The following ENTREP2 variants were observed in gnomAD, a reference collection of about 807,000 sequenced individuals.
ENTREP2 encodes the protein protein ENTREP2.
the ENTREP2 span, among the ~76,000 whole-genome samples, chr15:29,323,147 C>T: frequency 6.6e-6 from 1 of 152,142 alleles, no homozygotes; most frequent in African/African-American, 2.4e-5. Flanking sequence ...TCCCCAAAGT[C>T]CTTTTGCTAA....
At chr15:29,249,705 G>GTAT in the ENTREP2 span, among the ~76,000 whole-genome samples, 1 of 152,136 alleles carries the variant, frequency 6.6e-6, no homozygotes, top group African/African-American at 2.4e-5. Flanking sequence ...CTGAACAGGT[G>GTAT]TATTAGTCCA....
chr15:29,328,484 AAAC>A, the ENTREP2 span, among the ~76,000 whole-genome samples: 1 of 152,226 alleles, frequency 6.6e-6, no homozygotes, highest in Admixed American at 6.5e-5. Context: ...ATGTGACAAA[AAAC>A]AATCTACGAA....
the ENTREP2 span, among the ~76,000 whole-genome samples, chr15:29,649,742 A>AAAAAG: frequency 6.6e-6 from 1 of 150,898 alleles, no homozygotes; most frequent in African/African-American, 2.5e-5. Flanking sequence ...AAAAAAAAAA[A>AAAAAG]AAAGAAAGAA....
the ENTREP2 span, among the ~76,000 whole-genome samples, chr15:29,443,969 T>C: frequency 6.6e-6 from 1 of 151,930 alleles, no homozygotes; most frequent in East Asian, 1.9e-4. Context: ...CCAGGCGTGA[T>C]GGTGGGCGCC....
the ENTREP2 span, among the ~76,000 whole-genome samples, chr15:29,554,141 C>T: frequency 6.6e-6 from 1 of 151,846 alleles, no homozygotes; most frequent in African/African-American, 2.4e-5. Flanking sequence ...GTTGAAACCC[C>T]GTCTCTACTA....
the ENTREP2 span, among the ~76,000 whole-genome samples, chr15:29,474,316 G>T: frequency 6.6e-6 from 1 of 152,122 alleles, no homozygotes; most frequent in African/African-American, 2.4e-5. Context: ...TCTCAGAAAG[G>T]CTGCGCCCGG....
At chr15:29,308,893 G>A in the ENTREP2 span, among the ~76,000 whole-genome samples, 2 of 152,246 alleles carry the variant, frequency 1.3e-5, no homozygotes, top group Admixed American at 6.5e-5. Flanking sequence ...AACATTCTTC[G>A]ATGGGGAGGA....
the ENTREP2 span, among the ~76,000 whole-genome samples, chr15:29,576,495 T>G: frequency 6.6e-6 from 1 of 152,208 alleles, no homozygotes; most frequent in South Asian, 2.1e-4. Flanking sequence ...AGTTAAACAC[T>G]TTTGTACATC....
the ENTREP2 span, among the ~76,000 whole-genome samples, chr15:29,548,950 T>A: frequency 5.3e-5 from 8 of 152,200 alleles, no homozygotes; most frequent in African/African-American, 1.9e-4. Context: ...GTATGCAAAC[T>A]AATGGAAAGC....
the ENTREP2 span, among the ~76,000 whole-genome samples, chr15:29,426,335 T>C: frequency 6.6e-6 from 1 of 152,228 alleles, no homozygotes; most frequent in East Asian, 1.9e-4. Context: ...GCATTTGACT[T>C]TATGGATTAA....
chr15:29,532,136 T>C, the ENTREP2 span, among the ~76,000 whole-genome samples: 1 of 152,178 alleles, frequency 6.6e-6, no homozygotes, highest in Non-Finnish European at 1.5e-5. Context: ...GAACTGAAAT[T>C]TTGTATACCT....
At chr15:29,386,119 C>G in the ENTREP2 span, among the ~76,000 whole-genome samples, 1 of 152,204 alleles carries the variant, frequency 6.6e-6, no homozygotes, top group Admixed American at 6.5e-5. Flanking sequence ...CACCCATCCT[C>G]CAAGCCCATG....
At chr15:29,122,371 C>T in the ENTREP2 span, 2 of 151,656 alleles carry the variant, frequency 1.3e-5, no homozygotes, top group African/African-American at 4.8e-5. Context: ...TTATGATCCT[C>T]CTGCGCAGGT....
At chr15:29,302,462 G>T in the ENTREP2 span, among the ~76,000 whole-genome samples, 1 of 152,150 alleles carries the variant, frequency 6.6e-6, no homozygotes, top group Non-Finnish European at 1.5e-5. Context: ...TTTGCCGGCT[G>T]AAGCAAAATA....
the ENTREP2 span, among the ~76,000 whole-genome samples, chr15:29,662,211 CAAAAA>C: frequency 6.4e-4 from 30 of 46,942 alleles, no homozygotes; most frequent in African/African-American, 1.8e-3. Context: ...AACCCTGTCG[CAAAAA>C]AAAAAAAAAA....
the ENTREP2 span, among the ~76,000 whole-genome samples, chr15:29,228,651 A>G: frequency 6.6e-6 from 1 of 152,220 alleles, no homozygotes; most frequent in African/African-American, 2.4e-5. Context: ...TCTCACTTTC[A>G]TAAGTAGAAT....
chr15:29,632,800 G>A, the ENTREP2 span, among the ~76,000 whole-genome samples: 1 of 152,198 alleles, frequency 6.6e-6, no homozygotes, highest in South Asian at 2.1e-4. Flanking sequence ...TCCCTGGCAA[G>A]TCTCAGCCCG....
At chr15:29,348,658 G>C in the ENTREP2 span, among the ~76,000 whole-genome samples, 1 of 152,178 alleles carries the variant, frequency 6.6e-6, no homozygotes, top group Non-Finnish European at 1.5e-5. Flanking sequence ...GGGTTATGTG[G>C]CTTCTGCAAT....
At chr15:29,668,516 C>G in the ENTREP2 span, among the ~76,000 whole-genome samples, 28 of 152,250 alleles carry the variant, frequency 1.8e-4, no homozygotes, top group African/African-American at 6.3e-4. Flanking sequence ...CTCAAACGCC[C>G]GTCAACTGAT....
Sources: allele counts gnomAD v4.1 joint callset (sites outside exome capture counted in the v4.1 genomes callset), GRCh38; gene constraint gnomAD v4.1.1; transcripts MANE v1.5; gene names NCBI Gene and HGNC (gene_info 2026-07-23, HGNC 2026-07-21).